The following ZSWIM7 variants were observed in gnomAD, a reference collection of about 807,000 sequenced individuals.
ZSWIM7 encodes the protein zinc finger SWIM domain-containing protein 7.
In ZSWIM7, 22 loss-of-function variants were observed where a neutral mutation model predicts 21.1. The ratio of observed to expected loss-of-function variants is 1.04; its 90% CI spans 0.74 to 1.49. The LOEUF is 1.49. Ranked by LOEUF, ZSWIM7 falls within the 40% of genes most tolerant of loss-of-function variation. The probability of loss-of-function intolerance (pLI) is 0.00; values close to 1 mark genes in which losing one functional copy is unlikely to be tolerated. For missense variants in ZSWIM7, 193 were observed against 168.0 expected (o/e 1.15, Z -0.82); for synonymous variants, 67 against 66.5 (o/e 1.01, Z -0.04).
At chr17:15,984,832 T>C (rs1970391381) in intron 3 of ZSWIM7, among the ~76,000 whole-genome samples, 1 of 152,206 alleles carries the variant, frequency 6.6e-6, no homozygotes, top group South Asian at 2.1e-4. Flanking sequence ...CTTTGCCCAC[T>C]GGGATCCCTG....
intron 3 of ZSWIM7, among the ~76,000 whole-genome samples, chr17:15,981,943 G>A (rs769680103): frequency 2.0e-5 from 3 of 152,116 alleles, no homozygotes; most frequent in African/African-American, 4.8e-5. Flanking sequence ...AAGAACAAAA[G>A]AAGAAACTGG....
chr17:15,995,673 C>A (rs7210655), intron 1 of ZSWIM7, among the ~76,000 whole-genome samples: 95,060 of 150,514 alleles, frequency 0.63, 31,061 homozygotes, highest in African/African-American at 0.81. Context: ...AATATAAAAG[C>A]AACACAGAAG....
At chr17:15,993,899 C>G in intron 1 of ZSWIM7, 121 bp from the exon 2 acceptor site, 1 of 687,560 alleles carries the variant, frequency 1.5e-6, no homozygotes, top group Admixed American at 2.7e-5. Context: ...TGAACCTATG[C>G]ATCTGGTTTT....
intron 2 of ZSWIM7, chr17:15,990,720 T>C (rs1024094219): frequency 6.6e-6 from 1 of 152,214 alleles, no homozygotes; most frequent in Non-Finnish European, 1.5e-5. Context: ...CAGCCACATA[T>C]ACAACAAATT....
chr17:15,998,128 C>T (rs1002863023), intron 1 of ZSWIM7, among the ~76,000 whole-genome samples: 3 of 151,880 alleles, frequency 2.0e-5, no homozygotes, highest in African/African-American at 7.3e-5. Flanking sequence ...ACCCAAACTA[C>T]TGTCAGTGTA....
At chr17:15,996,577 G>C (rs1054081325) in intron 1 of ZSWIM7, among the ~76,000 whole-genome samples, 1 of 152,020 alleles carries the variant, frequency 6.6e-6, no homozygotes, top group Non-Finnish European at 1.5e-5. Context: ...AAATAGAAAA[G>C]AAAGCCTCAA....
At chr17:15,998,776 T>C (rs1970607312) in intron 1 of ZSWIM7, among the ~76,000 whole-genome samples, 1 of 143,432 alleles carries the variant, frequency 7.0e-6, no homozygotes, top group African/African-American at 2.6e-5. Flanking sequence ...TTTTTTGAGA[T>C]GGAATTTCGC....
At chr17:15,988,786 A>C (rs1463403674) in intron 2 of ZSWIM7, among the ~76,000 whole-genome samples, 3 of 152,330 alleles carry the variant, frequency 2.0e-5, no homozygotes, top group Non-Finnish European at 2.9e-5. Flanking sequence ...TGGGAGGCCG[A>C]GGCAGGCAGA....
intron 4 of ZSWIM7, among the ~76,000 whole-genome samples, chr17:15,980,086 T>G (rs865965688): frequency 1.2e-4 from 18 of 145,628 alleles, no homozygotes; most frequent in African/African-American, 3.9e-4. Context: ...GCAGAGGGGC[T>G]CCTCACTTCC....
intron 1 of ZSWIM7, 30 bp downstream of exon 1, chr17:15,999,489 G>A (rs767410680): frequency 6.3e-7 from 1 of 1,593,974 alleles, no homozygotes; most frequent in Non-Finnish European, 8.5e-7. Context: ...CGCGCCCATG[G>A]CGCAGCCACA....
At chr17:15,992,200 T>C (rs1467099978) in intron 2 of ZSWIM7, among the ~76,000 whole-genome samples, 2 of 152,158 alleles carry the variant, frequency 1.3e-5, no homozygotes, top group Non-Finnish European at 1.5e-5. Flanking sequence ...GCGTTGGGAT[T>C]ACAGGCGTGA....
intron 2 of ZSWIM7, among the ~76,000 whole-genome samples, chr17:15,990,669 A>G (rs1194484983): frequency 1.3e-5 from 2 of 152,232 alleles, no homozygotes; most frequent in Non-Finnish European, 2.9e-5. Flanking sequence ...TAAGGCTTCA[A>G]AATTAAAATG....
intron 4 of ZSWIM7, among the ~76,000 whole-genome samples, chr17:15,978,849 GA>G (rs1397534367): frequency 6.6e-6 from 1 of 151,968 alleles, no homozygotes; most frequent in Non-Finnish European, 1.5e-5. Context: ...ACTAGGCTGT[GA>G]AGTGCTTCTC....
chr17:15,978,807 C>T (rs1349996537), intron 4 of ZSWIM7, among the ~76,000 whole-genome samples: 2 of 152,168 alleles, frequency 1.3e-5, no homozygotes, highest in East Asian at 1.9e-4. Context: ...CTTCAGAAAG[C>T]TGTCACAGCA....
At chr17:15,979,314 C>G (rs1310426765) in intron 4 of ZSWIM7, among the ~76,000 whole-genome samples, 3 of 152,016 alleles carry the variant, frequency 2.0e-5, no homozygotes, top group African/African-American at 4.8e-5. Flanking sequence ...GGTAAGGTCA[C>G]AGATCAACAG....
intron 1 of ZSWIM7, among the ~76,000 whole-genome samples, chr17:15,994,906 CT>C (rs1970529862): frequency 6.6e-6 from 1 of 152,106 alleles, no homozygotes; most frequent in Non-Finnish European, 1.5e-5. Context: ...TTCCAATATA[CT>C]TTTTAGTCTT....
At chr17:15,989,368 A>G (rs1160913446) in intron 2 of ZSWIM7, among the ~76,000 whole-genome samples, 1 of 151,442 alleles carries the variant, frequency 6.6e-6, no homozygotes, top group Non-Finnish European at 1.5e-5. Context: ...TCCAGGCTGG[A>G]GAGCAGTGGC....
intron 2 of ZSWIM7, among the ~76,000 whole-genome samples, chr17:15,990,656 TAG>T (rs1970470712): frequency 6.6e-6 from 1 of 152,190 alleles, no homozygotes; most frequent in Non-Finnish European, 1.5e-5. Context: ...AAGACAAACC[TAG>T]TAAGGCTTCA....
intron 3 of ZSWIM7, among the ~76,000 whole-genome samples, 191 bp downstream of exon 3, chr17:15,987,075 G>C (rs956521474): frequency 6.6e-6 from 1 of 152,110 alleles, no homozygotes; most frequent in Non-Finnish European, 1.5e-5. Flanking sequence ...CATGAATATA[G>C]ACAGTTTCTG....
Sources: gnomAD v4.1 joint callset for allele counts (sites outside exome capture counted in the v4.1 genomes callset) on GRCh38, gnomAD v4.1.1 for gene constraint, MANE v1.5 for transcripts, NCBI Gene and HGNC (gene_info 2026-07-23, HGNC 2026-07-21) for gene names.